The following NRXN3 variants were observed in gnomAD, a reference collection of about 807,000 sequenced individuals.
The protein encoded by NRXN3 is neurexin III.
NRXN3 carries 32 observed loss-of-function variants against 137.6 expected under a neutral mutation model. That is an observed-to-expected ratio of 0.23 (90% CI 0.18 to 0.31). The LOEUF (loss-of-function observed/expected upper bound fraction) is 0.31. NRXN3 is among the 10% of genes least tolerant of loss of function. NRXN3 has a pLI of 1.00. For missense variants in NRXN3, 1,574 were observed against 2,062.5 expected (o/e 0.76, Z 4.59); for synonymous variants, 798 against 784.5 (o/e 1.02, Z -0.29).
intron 15 of NRXN3, among the ~76,000 whole-genome samples, chr14:79,288,797 A>G (rs1219280002): frequency 6.6e-6 from 1 of 152,226 alleles, no homozygotes; most frequent in Non-Finnish European, 1.5e-5. Flanking sequence ...CCAATTCCTA[A>G]TAAGTATTTG....
intron 15 of NRXN3, among the ~76,000 whole-genome samples, chr14:79,409,065 G>A (rs1157640131): frequency 1.3e-5 from 2 of 152,198 alleles, no homozygotes; most frequent in South Asian, 2.1e-4. Context: ...CTAAACTGGT[G>A]CCTTTTTCTC....
intron 15 of NRXN3, among the ~76,000 whole-genome samples, chr14:79,082,391 T>TTGTGTG (rs57728169): frequency 0.037 from 5,371 of 146,002 alleles, 179 homozygotes; most frequent in African/African-American, 0.085. Context: ...TGCAAACTAA[T>TTGTGTG]TGTGTGTGTG....
intron 15 of NRXN3, among the ~76,000 whole-genome samples, chr14:79,383,782 A>T (rs114998480): frequency 2.0e-5 from 3 of 152,108 alleles, no homozygotes; most frequent in African/African-American, 7.2e-5. Flanking sequence ...TTATTATCCA[A>T]TTGTAACCCA....
chr14:79,626,612 A>G (rs764329397), intron 16 of NRXN3, among the ~76,000 whole-genome samples: 1 of 152,212 alleles, frequency 6.6e-6, no homozygotes, highest in Non-Finnish European at 1.5e-5. Context: ...AGTGTTGAAG[A>G]GAATGAAATA....
At chr14:78,805,735 G>A (rs2098862086) in intron 9 of NRXN3, among the ~76,000 whole-genome samples, 1 of 152,152 alleles carries the variant, frequency 6.6e-6, no homozygotes, top group Admixed American at 6.5e-5. Context: ...AGCCCCACGC[G>A]ATCCTGAGGG....
intron 16 of NRXN3, among the ~76,000 whole-genome samples, chr14:79,636,245 C>T (rs550993703): frequency 6.6e-6 from 1 of 152,152 alleles, no homozygotes; most frequent in Admixed American, 6.6e-5. Context: ...ACAATTTAAC[C>T]CATAACTCCA....
chr14:78,493,131 C>T (rs888523200), intron 4 of NRXN3, among the ~76,000 whole-genome samples: 8 of 152,252 alleles, frequency 5.3e-5, no homozygotes, highest in East Asian at 1.9e-4. Context: ...CAGTTGCCAA[C>T]GTTCTTCTGG....
At chr14:79,750,797 G>A (rs911276688) in intron 19 of NRXN3, among the ~76,000 whole-genome samples, 2 of 152,078 alleles carry the variant, frequency 1.3e-5, no homozygotes, top group Non-Finnish European at 2.9e-5. Context: ...CTTTGTCATT[G>A]ATACTATTTT....
chr14:78,456,971 TTCCTTCTCC>T (rs1334972974), intron 4 of NRXN3, among the ~76,000 whole-genome samples: 3 of 148,158 alleles, frequency 2.0e-5, no homozygotes, highest in African/African-American at 7.5e-5. Context: ...TCCTTCCTTC[TTCCTTCTCC>T]TCCTTCTCCT....
chr14:79,048,397 C>A (rs2099636215), intron 15 of NRXN3, among the ~76,000 whole-genome samples: 1 of 152,072 alleles, frequency 6.6e-6, no homozygotes. Flanking sequence ...GGAGATATTA[C>A]AAGTTTGGCT....
intron 16 of NRXN3, among the ~76,000 whole-genome samples, chr14:79,579,871 C>T (rs2097698770): frequency 6.6e-6 from 1 of 152,128 alleles, no homozygotes; most frequent in Non-Finnish European, 1.5e-5. Context: ...TGCTATCAAA[C>T]ATTAGAACTT....
chr14:78,348,141 G>C (rs990091593), intron 4 of NRXN3, among the ~76,000 whole-genome samples: 1 of 152,146 alleles, frequency 6.6e-6, no homozygotes, highest in Non-Finnish European at 1.5e-5. Context: ...ACCACACCAG[G>C]TCCTCTGTGT....
intron 15 of NRXN3, chr14:79,280,213 C>T (rs752458757): frequency 6.9e-6 from 11 of 1,582,930 alleles, no homozygotes; most frequent in Non-Finnish European, 9.4e-6. Context: ...TATGATGGGC[C>T]CTTGGGCATC....
chr14:78,950,682 G>A (rs1039508415), intron 10 of NRXN3, among the ~76,000 whole-genome samples: 1 of 152,000 alleles, frequency 6.6e-6, no homozygotes. Flanking sequence ...GGAAGGGAAC[G>A]AGGGAGGTGG....
At chr14:78,721,431 T>G (rs1168272361) in intron 8 of NRXN3, among the ~76,000 whole-genome samples, 1 of 152,166 alleles carries the variant, frequency 6.6e-6, no homozygotes, top group Non-Finnish European at 1.5e-5. Flanking sequence ...CCTTTTCAAC[T>G]CTAAAACTCT....
chr14:79,519,490 A>G (rs1181023135), intron 16 of NRXN3, among the ~76,000 whole-genome samples: 2 of 152,056 alleles, frequency 1.3e-5, no homozygotes, highest in East Asian at 3.8e-4. Flanking sequence ...TGTATTAAAA[A>G]TATTGAATTG....
intron 10 of NRXN3, among the ~76,000 whole-genome samples, chr14:78,844,703 G>A (rs1991001): frequency 0.13 from 19,230 of 152,028 alleles, 1,842 homozygotes; most frequent in African/African-American, 0.26. Flanking sequence ...AGACTAGTGT[G>A]AGGCTGGCCT....
At chr14:78,655,303 TATA>T (rs1376654998) in intron 6 of NRXN3, among the ~76,000 whole-genome samples, 1 of 152,234 alleles carries the variant, frequency 6.6e-6, no homozygotes, top group African/African-American at 2.4e-5. Context: ...TGTTTTTGCT[TATA>T]ATAATTATTA....
chr14:79,668,399 C>G (rs2098581753), intron 17 of NRXN3, among the ~76,000 whole-genome samples: 1 of 152,050 alleles, frequency 6.6e-6, no homozygotes, highest in Admixed American at 6.6e-5. Context: ...GGTATTATTA[C>G]TCCTGCCATA....
Sources: gnomAD v4.1 joint callset for allele counts (sites outside exome capture counted in the v4.1 genomes callset) on GRCh38, gnomAD v4.1.1 for gene constraint, MANE v1.5 for transcripts, NCBI Gene and HGNC (gene_info 2026-07-23, HGNC 2026-07-21) for gene names.